The following ASTN2 variants were observed in gnomAD, a reference collection of about 807,000 sequenced individuals.
The protein encoded by ASTN2 is astrotactin-2.
In ASTN2, 54 loss-of-function variants were observed where a neutral mutation model predicts 139.8. The observed-to-expected ratio is 0.39, with a 90% confidence interval of 0.31 to 0.48. The LOEUF is 0.48. ASTN2 is among the 20% of genes least tolerant of loss of function. ASTN2 has a pLI of 0.95. For missense variants in ASTN2, 1,565 were observed against 1,725.1 expected, an observed-to-expected ratio of 0.91 and a Z score of 1.64; for synonymous variants, 756 against 719.5, an observed-to-expected ratio of 1.05 and a Z score of -0.81.
chr9:116,845,271 T>A (rs960364437), intron 11 of ASTN2, among the ~76,000 whole-genome samples: 1 of 152,158 alleles, frequency 6.6e-6, no homozygotes, highest in African/African-American at 2.4e-5. Context: ...CCTGCCACCA[T>A]GCCTGGCTAA....
intron 3 of ASTN2, among the ~76,000 whole-genome samples, chr9:117,212,143 C>A (rs957174135): frequency 2.0e-5 from 3 of 152,094 alleles, no homozygotes; most frequent in Non-Finnish European, 1.5e-5. Context: ...ACAAAGGTGC[C>A]AAGAACGCTT....
chr9:117,189,088 C>T (rs1236669771), intron 3 of ASTN2, among the ~76,000 whole-genome samples: 2 of 152,078 alleles, frequency 1.3e-5, no homozygotes, highest in Admixed American at 6.6e-5. Flanking sequence ...ATAGGAGACT[C>T]CTACATCCTG....
intron 1 of ASTN2, among the ~76,000 whole-genome samples, chr9:117,389,170 T>C (rs958425187): frequency 3.3e-5 from 5 of 152,172 alleles, no homozygotes; most frequent in Admixed American, 3.3e-4. Context: ...AGCAGGTTAA[T>C]TTCCTATATG....
At chr9:116,549,016 G>A (rs1852224059) in intron 19 of ASTN2, among the ~76,000 whole-genome samples, 1 of 152,122 alleles carries the variant, frequency 6.6e-6, no homozygotes, top group East Asian at 1.9e-4. Flanking sequence ...GAGAAATTCT[G>A]ATGGGTTTTG....
chr9:116,616,102 T>C (rs1032352047), intron 19 of ASTN2, among the ~76,000 whole-genome samples: 8 of 152,064 alleles, frequency 5.3e-5, no homozygotes. Context: ...GTCATCAAAA[T>C]TGGAAAGAAA....
intron 1 of ASTN2, among the ~76,000 whole-genome samples, chr9:117,401,439 G>A (rs1393400613): frequency 1.3e-5 from 2 of 152,224 alleles, no homozygotes; most frequent in East Asian, 3.9e-4. Flanking sequence ...ATGGTAGAAG[G>A]CAACTCAGAG....
chr9:117,316,662 T>G (rs11790950), intron 1 of ASTN2, among the ~76,000 whole-genome samples: 47,276 of 152,074 alleles, frequency 0.31, 8,282 homozygotes, highest in East Asian at 0.49. Flanking sequence ...TGTTTCTGCC[T>G]CCATTGAATG....
At chr9:117,189,037 T>G (rs1452764917) in intron 3 of ASTN2, among the ~76,000 whole-genome samples, 1 of 152,048 alleles carries the variant, frequency 6.6e-6, no homozygotes, top group African/African-American at 2.4e-5. Context: ...CCTGGGACAG[T>G]GGGTAGAAGG....
chr9:116,926,743 A>G (rs1388585887), intron 10 of ASTN2, among the ~76,000 whole-genome samples: 1 of 152,190 alleles, frequency 6.6e-6, no homozygotes, highest in African/African-American at 2.4e-5. Context: ...GAGAAAACTG[A>G]TAACTGAATA....
At chr9:116,664,081 T>G (rs1858721296) in intron 16 of ASTN2, among the ~76,000 whole-genome samples, 1 of 152,158 alleles carries the variant, frequency 6.6e-6, no homozygotes, top group Non-Finnish European at 1.5e-5. Flanking sequence ...CATAGCAGTC[T>G]ATGGACAATC....
intron 2 of ASTN2, among the ~76,000 whole-genome samples, chr9:117,264,682 C>A (rs1023248346): frequency 1.3e-5 from 2 of 152,174 alleles, no homozygotes; most frequent in Non-Finnish European, 2.9e-5. Flanking sequence ...CCCATATTCT[C>A]GGCTTACATC....
intron 7 of ASTN2, among the ~76,000 whole-genome samples, chr9:116,977,928 G>A (rs994732572): frequency 6.6e-6 from 1 of 151,880 alleles, no homozygotes; most frequent in Admixed American, 6.6e-5. Flanking sequence ...TATTGACCAG[G>A]CTGGTCTCAA....
intron 12 of ASTN2, among the ~76,000 whole-genome samples, chr9:116,814,545 A>C (rs1165514831): frequency 6.6e-6 from 1 of 152,202 alleles, no homozygotes; most frequent in Non-Finnish European, 1.5e-5. Flanking sequence ...AACACTAAGA[A>C]AGAAACAAGG....
intron 10 of ASTN2, among the ~76,000 whole-genome samples, chr9:116,907,227 G>A (rs1265997535): frequency 6.6e-6 from 1 of 152,230 alleles, no homozygotes; most frequent in African/African-American, 2.4e-5. Flanking sequence ...TGTAGAGTCA[G>A]TAATGTGGGG....
chr9:116,947,972 T>C (rs369653515), intron 10 of ASTN2, among the ~76,000 whole-genome samples: 6 of 152,356 alleles, frequency 3.9e-5, no homozygotes, highest in Admixed American at 2.6e-4. Flanking sequence ...TTTTTCCATG[T>C]CTTTCATAAT....
chr9:116,673,256 G>A (rs1426258957), intron 16 of ASTN2, among the ~76,000 whole-genome samples: 1 of 151,990 alleles, frequency 6.6e-6, no homozygotes, highest in African/African-American at 2.4e-5. Flanking sequence ...TTTGTTTGTG[G>A]GTTTTGTCCA....
chr9:116,455,781 A>G (rs1848314594), intron 20 of ASTN2, among the ~76,000 whole-genome samples: 1 of 152,094 alleles, frequency 6.6e-6, no homozygotes, highest in East Asian at 1.9e-4. Context: ...AAAAAAAGTA[A>G]TACAATCTAT....
At chr9:117,379,907 G>A (rs867130481) in intron 1 of ASTN2, among the ~76,000 whole-genome samples, 33 of 152,152 alleles carry the variant, frequency 2.2e-4, no homozygotes, top group African/African-American at 8.0e-4. Flanking sequence ...TTTTCTGGGT[G>A]AAGGGGAGGG....
chr9:117,158,540 A>T (rs1240221376), intron 3 of ASTN2, among the ~76,000 whole-genome samples: 2 of 152,068 alleles, frequency 1.3e-5, no homozygotes, highest in Non-Finnish European at 2.9e-5. Flanking sequence ...ACAGAACTAA[A>T]TCAAAACTTT....
Sources: gnomAD v4.1 joint callset for allele counts (sites outside exome capture counted in the v4.1 genomes callset) on GRCh38, gnomAD v4.1.1 for gene constraint, MANE v1.5 for transcripts, NCBI Gene and HGNC (gene_info 2026-07-23, HGNC 2026-07-21) for gene names.